Variants in RGS8 observed in about 807,000 individuals in gnomAD.
RGS8 encodes regulator of G protein signaling 8, also known as regulator of G-protein signaling 8.
A neutral mutation model predicts 21.7 loss-of-function variants in RGS8; 8 were observed. That is an observed-to-expected ratio of 0.37 (90% CI 0.22 to 0.66). The LOEUF is 0.66. RGS8 is among the 30% of genes least tolerant of loss of function. The pLI is 0.59. For missense variants in RGS8, 157 were observed against 217.9 expected (o/e 0.72, Z 1.76); for synonymous variants, 80 against 83.6 (o/e 0.96, Z 0.24).
chr1:182,710,208 G>A, the RGS8 span, among the ~76,000 whole-genome samples: 1 of 152,126 alleles, frequency 6.6e-6, no homozygotes, highest in African/African-American at 2.4e-5. Context: ...CTACAAATAA[G>A]GTCCCCTGGC....
At chr1:182,704,207 A>AT in the RGS8 span, among the ~76,000 whole-genome samples, 1 of 152,178 alleles carries the variant, frequency 6.6e-6, no homozygotes, top group South Asian at 2.1e-4. Context: ...ATAAAATACA[A>AT]TTTTCTCAGC....
intron 5 of RGS8, among the ~76,000 whole-genome samples, chr1:182,661,808 TCA>T (rs71127312): frequency 0.081 from 10,721 of 131,868 alleles, 428 homozygotes; most frequent in African/African-American, 0.12. Context: ...GTACACACAT[TCA>T]CACACACACA....
At chr1:182,677,916 G>T (rs1237279610), upstream of RGS8, among the ~76,000 whole-genome samples, 1 of 152,126 alleles carries the variant, frequency 6.6e-6, no homozygotes, top group Non-Finnish European at 1.5e-5. Context: ...GTGCTGCCTC[G>T]CAGACAATGG....
chr1:182,668,659 A>G (rs368314273), intron 3 of RGS8, among the ~76,000 whole-genome samples: 2 of 152,284 alleles, frequency 1.3e-5, no homozygotes, highest in East Asian at 1.9e-4. Flanking sequence ...TTGGGCCTGC[A>G]CGTCCCCTGC....
At chr1:182,726,820 T>C in the RGS8 span, among the ~76,000 whole-genome samples, 46 of 152,290 alleles carry the variant, frequency 3.0e-4, 1 homozygote, top group South Asian at 7.2e-3. Flanking sequence ...AAACCCATGA[T>C]GGAAGCTAGC....
At chr1:182,752,028 A>C in the RGS8 span, among the ~76,000 whole-genome samples, 14 of 152,220 alleles carry the variant, frequency 9.2e-5, no homozygotes, top group African/African-American at 3.1e-4. Context: ...TCTGTCACCT[A>C]TCTGACCCCC....
At chr1:182,668,878 G>A (rs968256179) in intron 3 of RGS8, among the ~76,000 whole-genome samples, 1 of 152,178 alleles carries the variant, frequency 6.6e-6, no homozygotes, top group Non-Finnish European at 1.5e-5. Flanking sequence ...TCAAGTTAAG[G>A]TCCTGCTCAG....
chr1:182,742,747 GAGGGACAGGGAC>G, the RGS8 span, among the ~76,000 whole-genome samples: 7 of 150,412 alleles, frequency 4.7e-5, no homozygotes, highest in African/African-American at 7.3e-5. Context: ...GGGAGAGGGA[GAGGGACAGGGAC>G]AGGGACAGGG....
the RGS8 span, among the ~76,000 whole-genome samples, chr1:182,707,324 T>C: frequency 6.6e-6 from 1 of 152,286 alleles, no homozygotes; most frequent in Admixed American, 6.5e-5. Context: ...CTGAGGAACA[T>C]GGCCTTCTGC....
chr1:182,699,847 A>C, the RGS8 span, among the ~76,000 whole-genome samples: 1 of 152,080 alleles, frequency 6.6e-6, no homozygotes, highest in African/African-American at 2.4e-5. Context: ...GGGGACTATA[A>C]TGAATGCCGT....
the RGS8 span, chr1:182,714,578 T>G: frequency 6.6e-6 from 1 of 152,248 alleles, no homozygotes; most frequent in African/African-American, 2.4e-5. Flanking sequence ...CATATTTATA[T>G]GTGAAATCAT....
the RGS8 span, among the ~76,000 whole-genome samples, chr1:182,748,666 C>T: frequency 2.6e-5 from 4 of 152,092 alleles, no homozygotes; most frequent in Non-Finnish European, 5.9e-5. Context: ...TAAAATTTTT[C>T]GAGGAAACTT....
chr1:182,700,555 C>T, the RGS8 span, among the ~76,000 whole-genome samples: 1 of 152,222 alleles, frequency 6.6e-6, no homozygotes, highest in Non-Finnish European at 1.5e-5. Context: ...CCTCTGGCGG[C>T]AGAAGACACA....
exon 7 of RGS8, chr1:182,646,773 A>G: frequency 1.2e-6 from 2 of 1,614,170 alleles, no homozygotes; most frequent in South Asian, 2.2e-5. Context: ...AGCAGATCTA[A>G]GTACATTTTG....
chr1:182,741,747 G>A, the RGS8 span, among the ~76,000 whole-genome samples: 1 of 107,812 alleles, frequency 9.3e-6, no homozygotes, highest in Non-Finnish European at 2.2e-5. Context: ...CTGGCTGGGC[G>A]GGGGGCTGAC....
the RGS8 span, among the ~76,000 whole-genome samples, chr1:182,741,273 C>T: frequency 1.5e-5 from 2 of 135,354 alleles, no homozygotes; most frequent in Non-Finnish European, 3.2e-5. Flanking sequence ...CAGAAGCTCC[C>T]CTCACCTCCC....
the RGS8 span, among the ~76,000 whole-genome samples, chr1:182,707,082 C>T: frequency 1.6e-4 from 25 of 152,020 alleles, no homozygotes; most frequent in African/African-American, 4.1e-4. Context: ...TAGCTTGAAC[C>T]GGGAGGTGGA....
chr1:182,724,240 A>ATC, the RGS8 span, among the ~76,000 whole-genome samples: 4 of 125,598 alleles, frequency 3.2e-5, no homozygotes, highest in African/African-American at 6.0e-5. Flanking sequence ...ATATATATAT[A>ATC]TATATATCCT....
the RGS8 span, among the ~76,000 whole-genome samples, chr1:182,703,267 A>G: frequency 2.6e-5 from 4 of 152,196 alleles, no homozygotes; most frequent in African/African-American, 9.7e-5. Context: ...GTGTGGCAGC[A>G]AAAGCTGCAA....
Sources: gnomAD v4.1 joint callset for allele counts (sites outside exome capture counted in the v4.1 genomes callset) on GRCh38, gnomAD v4.1.1 for gene constraint, MANE v1.5 for transcripts, NCBI Gene and HGNC (gene_info 2026-07-23, HGNC 2026-07-21) for gene names.